Variants in SGCZ observed in about 807,000 individuals in gnomAD.
SGCZ encodes zeta-sarcoglycan.
Under a neutral mutation model 41.3 loss-of-function variants are expected in SGCZ, and 40 were observed. That is an observed-to-expected ratio of 0.97 (90% CI 0.75 to 1.26). The LOEUF (loss-of-function observed/expected upper bound fraction) is 1.26. Ranked by LOEUF, SGCZ falls within the 50% of genes most tolerant of loss-of-function variation. SGCZ has a pLI of 0.00. For missense variants in SGCZ, 552 were observed against 369.8 expected (o/e 1.49, Z -4.04); for synonymous variants, 206 against 137.5 (o/e 1.50, Z -3.49).
chr8:15,049,864 G>C (rs10105780), intron 1 of SGCZ, among the ~76,000 whole-genome samples: 151,652 of 152,294 alleles, frequency 1, 75,511 homozygotes, highest in Middle Eastern at 1. Flanking sequence ...TGCACAAGCT[G>C]TCTTGCCTGC....
intron 4 of SGCZ, among the ~76,000 whole-genome samples, chr8:14,191,918 A>G (rs1232705318): frequency 2.6e-5 from 4 of 152,170 alleles, no homozygotes; most frequent in Admixed American, 2.6e-4. Flanking sequence ...TATCTAAAAA[A>G]AAAGTAAAAT....
In SGCZ at chr8:14,984,493, C is replaced by G. The variant is rs1462364856; in HGVS notation, c.39+253092G>C. Among the ~76,000 whole-genome samples the G allele has an allele frequency of 2.0e-5, 3 of 151,626 alleles. 1 individual carries two copies. Among genetic ancestry groups the G allele is most frequent in the Admixed American group, 1.3e-4 (2 of 15,196 alleles). ...TATAGATTTTTTTTCCTCTCTATTT[C>G]TTATCTGATATTGTTTTATAACAAA... On this transcript the variant is annotated intron_variant, in intron 1 of 7. Coordinates refer to ENST00000382080, the MANE Select transcript of SGCZ (RefSeq NM_139167.4).
chr8:14,592,346 G>A (rs1483785798), intron 1 of SGCZ, among the ~76,000 whole-genome samples: 2 of 152,000 alleles, frequency 1.3e-5, no homozygotes, highest in Non-Finnish European at 2.9e-5. Context: ...AAATTTCAGA[G>A]CTAAAGTTTA....
At chr8:14,428,254 G>C (rs1185199199) in intron 2 of SGCZ, among the ~76,000 whole-genome samples, 1 of 151,404 alleles carries the variant, frequency 6.6e-6, no homozygotes, top group African/African-American at 2.4e-5. Flanking sequence ...ATAATATGTA[G>C]GGTAAATATA....
chr8:15,165,670 T>C (rs1003261629), intron 1 of SGCZ, among the ~76,000 whole-genome samples: 3 of 152,192 alleles, frequency 2.0e-5, no homozygotes, highest in Non-Finnish European at 4.4e-5. Context: ...ACGCAAGGTG[T>C]ATGAGAACAG....
intron 3 of SGCZ, among the ~76,000 whole-genome samples, chr8:14,299,626 C>T (rs1386911876): frequency 1.3e-5 from 2 of 151,822 alleles, no homozygotes; most frequent in Admixed American, 6.6e-5. Context: ...CCCACACACA[C>T]TTCTTTAAAA....
At chr8:15,194,119 AG>A (rs1800633306) in intron 1 of SGCZ, among the ~76,000 whole-genome samples, 1 of 151,844 alleles carries the variant, frequency 6.6e-6, no homozygotes, top group African/African-American at 2.4e-5. Flanking sequence ...ATAGTTTACA[AG>A]TAGTTTTAGT....
chr8:14,146,851 G>A (rs535273580), intron 5 of SGCZ, among the ~76,000 whole-genome samples: 14 of 127,058 alleles, frequency 1.1e-4, no homozygotes, highest in African/African-American at 1.0e-4. Context: ...CAGCCTGGGC[G>A]ACAGAGCGAG....
intron 1 of SGCZ, among the ~76,000 whole-genome samples, chr8:15,228,167 A>G (rs1406411710): frequency 6.6e-6 from 1 of 152,260 alleles, no homozygotes; most frequent in Non-Finnish European, 1.5e-5. Context: ...TACGTATGTA[A>G]TATATTCATC....
intron 3 of SGCZ, among the ~76,000 whole-genome samples, chr8:14,288,389 C>A (rs2116937087): frequency 6.6e-6 from 1 of 152,208 alleles, no homozygotes; most frequent in Admixed American, 6.5e-5. Flanking sequence ...GGAAATTCTT[C>A]AGCATTCCAA....
chr8:14,752,132 C>CAAAAAAAAAAAAAAAAAAAAAAAACAAAA (rs56243371), intron 1 of SGCZ, among the ~76,000 whole-genome samples: 2 of 117,794 alleles, frequency 1.7e-5, no homozygotes, highest in African/African-American at 3.3e-5. Flanking sequence ...ACAAAAAAGC[C>CAAAAAAAAAAAAAAAAAAAAAAAACAAAA]AAAAAAAAAA....
intron 2 of SGCZ, among the ~76,000 whole-genome samples, chr8:14,485,167 G>A (rs1441469274): frequency 1.3e-5 from 2 of 152,134 alleles, no homozygotes; most frequent in South Asian, 2.1e-4. Flanking sequence ...GATTTTGTGG[G>A]ATACATGATG....
intron 1 of SGCZ, among the ~76,000 whole-genome samples, chr8:14,986,926 C>T (rs145639843): frequency 6.5e-4 from 98 of 151,632 alleles, no homozygotes; most frequent in Non-Finnish European, 1.0e-3. Context: ...GTTCTTAAAA[C>T]GTAATTGTGG....
intron 1 of SGCZ, among the ~76,000 whole-genome samples, chr8:15,075,429 G>C (rs530785146): frequency 2.8e-4 from 42 of 152,172 alleles, no homozygotes; most frequent in African/African-American, 9.9e-4. Flanking sequence ...AAGGAAATGA[G>C]CATGATGATC....
intron 1 of SGCZ, among the ~76,000 whole-genome samples, chr8:15,140,200 T>C (rs1808269976): frequency 6.6e-6 from 1 of 152,036 alleles, no homozygotes; most frequent in Non-Finnish European, 1.5e-5. Flanking sequence ...AATTTTTTAC[T>C]TTTTTGTAGA....
At chr8:14,111,374 T>G (rs1177811622) in intron 5 of SGCZ, among the ~76,000 whole-genome samples, 5 of 152,178 alleles carry the variant, frequency 3.3e-5, no homozygotes, top group African/African-American at 1.2e-4. Flanking sequence ...AGATCTGACT[T>G]ACTTATGCTC....
At position 15,147,719 on chromosome 8, in the gene SGCZ, GC is replaced by G. The variant is rs1799074331; in HGVS notation, c.39+89865del. Among the ~76,000 whole-genome samples the G allele has an allele frequency of 3.3e-5, 5 of 152,288 alleles. No homozygotes were observed. The South Asian group carries it at 1.0e-3, about 32-fold the overall frequency. On this transcript the variant is annotated intron_variant, in intron 1 of 7. Coordinates refer to ENST00000382080, the MANE Select transcript of SGCZ (RefSeq NM_139167.4). ...GATAAGACTGAGAGGAGGGGAGAAG[GC>G]CCAGGTAGAATCCCTGTTGCAGAAG...
intron 1 of SGCZ, among the ~76,000 whole-genome samples, chr8:14,940,848 A>G (rs1800251204): frequency 6.6e-6 from 1 of 152,128 alleles, no homozygotes. Flanking sequence ...TACGTGTTTT[A>G]CAACACATAT....
At chr8:14,375,573 T>G (rs1194464313) in intron 2 of SGCZ, among the ~76,000 whole-genome samples, 1 of 152,154 alleles carries the variant, frequency 6.6e-6, no homozygotes, top group East Asian at 1.9e-4. Context: ...AATAACAGAA[T>G]TTTTAAAAGA....
Sources: gnomAD v4.1 joint callset for allele counts (sites outside exome capture counted in the v4.1 genomes callset) on GRCh38, gnomAD v4.1.1 for gene constraint, MANE v1.5 for transcripts, NCBI Gene and HGNC (gene_info 2026-07-23, HGNC 2026-07-21) for gene names.